RAB29: variants seen among roughly 807,000 people sequenced by gnomAD.
The protein encoded by RAB29 is ras-related protein Rab-29.
In RAB29, 13 loss-of-function variants were observed where a neutral mutation model predicts 25.5. The observed-to-expected ratio is 0.51, with a 90% CI of 0.33 to 0.81. The LOEUF is 0.81. Ranked by LOEUF, RAB29 falls within the 30% of genes least tolerant of loss-of-function variation. The probability of loss-of-function intolerance (pLI) is 0.02; values close to 1 mark genes in which losing one functional copy is unlikely to be tolerated. For missense variants in RAB29, 201 were observed against 254.9 expected (o/e 0.79, Z 1.44); for synonymous variants, 88 against 95.0 (o/e 0.93, Z 0.43).
chr1:205,771,309 AAAAG>A (rs58121045), intron 4 of RAB29, 159 bp downstream of exon 4: 133,910 of 726,026 alleles, frequency 0.18, 5,041 homozygotes, highest in Admixed American at 0.3. Flanking sequence ...AAAAAAAAAA[AAAAG>A]AAAGAAAGTC....
chr1:205,769,833 C>A lies in RAB29; in HGVS notation c.*509G>T. The A allele has an allele frequency of 1.5e-5, 1 of 68,722 alleles. No individual in the cohort carries two copies. Among genetic ancestry groups the A allele is most frequent in the Non-Finnish European group, 3.7e-5 (1 of 27,130 alleles). The allele number at this position is 68,722 out of a possible 1,614,324, so 4.3% of individuals were successfully genotyped here. On this transcript the variant is annotated 3_prime_UTR_variant, in exon 6 of 6. Transcript: ENST00000367139. ...TGGGACACTTCTAGTAGCCAAAAAT[C>A]CACAGATGCCCAGACCCCCTCCTTC...
rs757517652 is a variant in RAB29 at position 205,771,626 on chromosome 1, C to T, written c.224G>A (p.Arg75Gln). 24 of 1,614,028 alleles carry T rather than the reference C, an allele frequency of 1.5e-5. No individual in the cohort carries two copies. Among genetic ancestry groups the T allele is most frequent in the Admixed American group, 3.3e-5 (2 of 60,014 alleles). The change falls in exon 4 of 6, where the codon CGA (arginine) becomes CAA (glutamine). Residue 75 changes from arginine (R) to glutamine (Q), a missense_variant. Transcript: ENST00000367139. ...AGQERFTSMTRLYYRDASACV... is the reference protein window; with the variant it reads ...AGQERFTSMTQLYYRDASACV... ...GGCAGAGGCATCCCGATAATACAAT[C>T]GTGTCATAGAGGTGAAGCGCTCCTG...
At chr1:205,774,792 T>TCCACCAA in intron 2 of RAB29, 41 bp downstream of exon 2, 13 of 1,287,986 alleles carry the variant, frequency 1.0e-5, no homozygotes, top group Non-Finnish European at 1.2e-5. Flanking sequence ...GGTCGGGGCC[T>TCCACCAA]CCTCCTCCCC....
At chr1:205,770,537 G>A in intron 5 of RAB29, 84 bp from the exon 6 acceptor site, 1 of 1,427,632 alleles carries the variant, frequency 7.0e-7, no homozygotes, top group Non-Finnish European at 9.7e-7. Flanking sequence ...TCATCAGAGA[G>A]TATTTGGTAA....
chr1:205,770,523 C>T (rs1654932932), intron 5 of RAB29, 70 bp from the exon 6 acceptor site: 4 of 1,457,442 alleles, frequency 2.7e-6, no homozygotes, highest in Non-Finnish European at 3.8e-6. Context: ...TGTAGTCTGA[C>T]TTATCATCAG....
At position 205,770,050 on chromosome 1, in the gene RAB29, T is replaced by C; in HGVS notation, c.*292A>G. ...GATCTCTAAAACGCAGGTGCTGATT[T>C]CTAATCCTTCTCATAAAATTCCGGA... On this transcript the variant is annotated 3_prime_UTR_variant, in exon 6 of 6. Transcript: ENST00000367139. The C allele has an allele frequency of 6.6e-6, 3 of 455,768 alleles. No individual in the cohort carries two copies. In the South Asian group the frequency reaches 7.7e-5, roughly 12 times the overall value. The allele number at this position is 455,768 out of a possible 1,614,324, so 28.2% of individuals were successfully genotyped here. A position where few individuals can be genotyped will look rare whatever the true frequency, so the allele number is the denominator to read the frequency against.
chr1:205,774,718 CGAA>C, intron 2 of RAB29, 112 bp downstream of exon 2: 1 of 1,157,598 alleles, frequency 8.6e-7, no homozygotes, highest in African/African-American at 1.5e-5. Flanking sequence ...CTTCCTGACC[CGAA>C]GAAGGACCCA....
chr1:205,771,760 C>T (rs1230914330), intron 3 of RAB29, 107 bp from the exon 4 acceptor site: 4 of 1,102,648 alleles, frequency 3.6e-6, no homozygotes, highest in Non-Finnish European at 5.5e-6. Flanking sequence ...CACTCACTTT[C>T]CCCCTCTGAC....
chr1:205,771,311 AAG>A (rs1491021193), intron 4 of RAB29, 159 bp downstream of exon 4: 283 of 456,186 alleles, frequency 6.2e-4, no homozygotes, highest in East Asian at 1.3e-3. Context: ...AAAAAAAAAA[AAG>A]AAAGAAAGTC....
intron 2 of RAB29, 62 bp from the exon 3 acceptor site, chr1:205,772,629 ACT>A: frequency 1.4e-6 from 2 of 1,469,108 alleles, no homozygotes; most frequent in South Asian, 1.1e-5. Flanking sequence ...ATAGGGATAA[ACT>A]CAAATCAAAT....
At chr1:205,770,493 G>A (rs1654931782) in intron 5 of RAB29, 40 bp from the exon 6 acceptor site, 12 of 1,568,590 alleles carry the variant, frequency 7.7e-6, no homozygotes, top group Non-Finnish European at 1.1e-5. Flanking sequence ...TTATTTTGGA[G>A]GAAAAGCAGA....
At chr1:205,770,620 A>G in intron 5 of RAB29, 113 bp downstream of exon 5, 5 of 1,531,406 alleles carry the variant, frequency 3.3e-6, no homozygotes, top group Non-Finnish European at 3.6e-6. Context: ...TTTAGGGGCT[A>G]GCATTCCAAT....
At chr1:205,771,305 AAAAAAAAGAAAG>A in intron 4 of RAB29, 155 bp downstream of exon 4, 3 of 835,160 alleles carry the variant, frequency 3.6e-6, no homozygotes, top group Non-Finnish European at 3.8e-6. Flanking sequence ...TCTCAAAAAA[AAAAAAAAGAAAG>A]AAAGTCTCAC....
At position 205,770,798 on chromosome 1, in the gene RAB29, C is replaced by G; in HGVS notation, c.435G>C (p.Glu145Asp). The change falls in exon 5 of 6, where the codon GAG becomes GAC. Residue 145 changes from glutamate to aspartate, a missense_variant. Coordinates refer to ENST00000367139, the MANE Select transcript of RAB29 (RefSeq NM_003929.3). ...SRDQIDRFSKENGFTGWTETS... is the reference protein window; with the variant it reads ...SRDQIDRFSKDNGFTGWTETS... Reference sequence around the variant, plus strand: ...TTTCTGTCCAACCTGTGAAACCGTTCTCTTTACTGAACCGGTCAATCTGGT... The same window carrying G: ...TTTCTGTCCAACCTGTGAAACCGTTGTCTTTACTGAACCGGTCAATCTGGT... 1.2e-6 allele frequency: 2 copies of G among 1,614,192 alleles called. No homozygotes were observed. Among genetic ancestry groups the G allele is most frequent in the South Asian group, 1.1e-5 (1 of 91,082 alleles).
At position 205,768,222 on chromosome 1, in the gene RAB29, G is replaced by T. The variant is rs537685589; in HGVS notation, c.*2120C>A. 2 of 152,312 alleles carry T rather than the reference G, an allele frequency of 1.3e-5. No homozygotes were observed. Among genetic ancestry groups the T allele is most frequent in the Admixed American group, 1.3e-4 (2 of 15,292 alleles). 9.4% of individuals were successfully genotyped at this position (152,312 alleles called of 1,614,324 possible). A position where few individuals can be genotyped will look rare whatever the true frequency, so the allele number is the denominator to read the frequency against. Reference sequence around the variant, plus strand: ...AACGACACACAACAAACCACCGAAGGTTTGGTCCCTTTTCTCTCTGATATG... The same window carrying T: ...AACGACACACAACAAACCACCGAAGTTTTGGTCCCTTTTCTCTCTGATATG... On this transcript the variant is annotated 3_prime_UTR_variant, in exon 6 of 6. Transcript: ENST00000367139.
In RAB29 at chr1:205,769,847, AC is replaced by A. The variant is rs34580135; in HGVS notation, c.*494del. On this transcript the variant is annotated 3_prime_UTR_variant, in exon 6 of 6. Transcript: ENST00000367139. ...TAGCCAAAAATCCACAGATGCCCAG[AC>A]CCCCTCCTTCTGCATTCCAGAATCA... 0.88 allele frequency: 147,338 copies of A among 167,026 alleles called. 66,169 individuals are homozygous for A. The highest frequency in any genetic ancestry group is 0.97 in the Non-Finnish European group (74,459 of 76,974). 10.3% of individuals were successfully genotyped at this position (167,026 alleles called of 1,614,324 possible).
chr1:205,774,697 C>T, intron 2 of RAB29, 136 bp downstream of exon 2: 2 of 916,516 alleles, frequency 2.2e-6, no homozygotes, highest in South Asian at 1.6e-5. Context: ...CATCTAGGTT[C>T]CCAGACAGTA....
At chr1:205,772,031 C>T (rs1394347244) in intron 3 of RAB29, among the ~76,000 whole-genome samples, 1 of 150,374 alleles carries the variant, frequency 6.7e-6, no homozygotes, top group African/African-American at 2.4e-5. Context: ...TCACTGCAAC[C>T]TCCACCTCCC....
intron 4 of RAB29, 63 bp downstream of exon 4, chr1:205,771,409 A>G (rs1171864397): frequency 6.4e-7 from 1 of 1,567,930 alleles, no homozygotes; most frequent in African/African-American, 1.4e-5. Flanking sequence ...ATCAGAGAGC[A>G]TTTTACTTCC....
Sources: gnomAD v4.1 joint callset for allele counts (sites outside exome capture counted in the v4.1 genomes callset) on GRCh38, gnomAD v4.1.1 for gene constraint, MANE v1.5 for transcripts, NCBI Gene and HGNC (gene_info 2026-07-23, HGNC 2026-07-21) for gene names.